Variants in WASHC4 observed in about 807,000 individuals in gnomAD.
The protein encoded by WASHC4 is WASH complex subunit 7.
In WASHC4, 86 loss-of-function variants were observed where a neutral mutation model predicts 166.6. That is an observed-to-expected ratio of 0.52 (90% CI 0.43 to 0.62). The LOEUF is 0.62. Ranked by LOEUF, WASHC4 falls within the 20% of genes least tolerant of loss-of-function variation. WASHC4 has a pLI of 0.00. For synonymous variants in WASHC4, 446 were observed against 451.6 expected, an observed-to-expected ratio of 0.99 and a Z score of 0.16; for missense variants, 1,262 against 1,382.4, an observed-to-expected ratio of 0.91 and a Z score of 1.38.
In WASHC4 at chr12:105,137,929, C is replaced by T; in HGVS notation, c.1370C>T (p.Thr457Ile). ...AGTATTAGTACCATTATTAAAACCA[C>T]AATGAATCTCTACATGTCCATGCAA... ...AYSISTIIKTTMNLYMSMQKP... is the reference protein window; with the variant it reads ...AYSISTIIKTIMNLYMSMQKP... The change falls in exon 15 of 33, where the codon ACA becomes ATA. Residue 457 changes from threonine (T) to isoleucine (I), a missense_variant. Transcript: ENST00000332180. 6.2e-7 allele frequency: 1 copy of T among 1,611,490 alleles called. No individual in the cohort carries two copies. The highest frequency in any genetic ancestry group is 8.5e-7 in the Non-Finnish European group (1 of 1,177,824).
chr12:105,138,030 T>C lies in WASHC4; in HGVS notation c.1452+19T>C. 6.2e-7 allele frequency: 1 copy of C among 1,606,960 alleles called. No individual in the cohort carries two copies. Among genetic ancestry groups the C allele is most frequent in the South Asian group, 1.1e-5 (1 of 89,888 alleles). ...TCTCAAGGTAGGTTTTAGATTATTT[T>C]ACTGCTCCATCATAATTGAGAAATG... On this transcript the variant is annotated intron_variant, in intron 15 of 32. Coordinates refer to ENST00000332180, the MANE Select transcript of WASHC4 (RefSeq NM_015275.3).
At chr12:105,113,079 T>C (rs1485729074) in intron 2 of WASHC4, among the ~76,000 whole-genome samples, 1 of 152,088 alleles carries the variant, frequency 6.6e-6, no homozygotes, top group African/African-American at 2.4e-5. Flanking sequence ...AAATTTGTAA[T>C]TGTCTCTTTT....
chr12:105,157,199 C>T (rs1292967427), intron 27 of WASHC4, 37 bp from the exon 28 acceptor site: 2 of 1,044,500 alleles, frequency 1.9e-6, no homozygotes, highest in Non-Finnish European at 3.0e-6. Flanking sequence ...ACATATTTTA[C>T]TTGACCTAAT....
rs80171463 is a variant in WASHC4 at position 105,140,702 on chromosome 12, C to T, written c.1561-197C>T. On this transcript the variant is annotated intron_variant, in intron 16 of 32. Transcript: ENST00000332180. ...TTAACATGGAAATTTTAAAGTATGC[C>T]TAATACATTTGCTGTTTCTGACAGT... 7.6e-3 allele frequency among the ~76,000 whole-genome samples: 1,149 copies of T among 152,052 alleles called. 8 individuals are homozygous for T. The highest frequency in any genetic ancestry group is 9.6e-3 in the Non-Finnish European group (652 of 67,982).
intron 24 of WASHC4, 137 bp downstream of exon 24, chr12:105,147,283 A>G (rs1883376327): frequency 2.2e-5 from 15 of 672,070 alleles, no homozygotes; most frequent in East Asian, 2.8e-5. Flanking sequence ...TTTTCTGGTT[A>G]GTAATTAAAA....
intron 10 of WASHC4, among the ~76,000 whole-genome samples, chr12:105,124,183 T>A (rs1196831): frequency 6.7e-6 from 1 of 150,062 alleles, no homozygotes; most frequent in South Asian, 2.1e-4. Flanking sequence ...GCAGTGGAGC[T>A]ATCTCGGCTC....
At chr12:105,148,447 C>T in intron 24 of WASHC4, 1 of 985,260 alleles carries the variant, frequency 1.0e-6, no homozygotes, top group Non-Finnish European at 1.2e-6. Context: ...ACAGTAATCA[C>T]AGGGATATAG....
Position 105,126,338 on chromosome 12 carries a change from G to A in WASHC4, c.1014G>A (p.Lys338=), listed in dbSNP as rs1175348827. 9.5e-6 allele frequency: 15 copies of A among 1,587,050 alleles called. No homozygotes were observed. The Admixed American group carries it at 2.5e-4, about 27-fold the overall frequency. ...GAACTATTGATAAAAAGTTTTATAA[G>A]TCTTTATTGGACATTTGTAAGAAGG... is the stretch of plus-strand genomic sequence containing the variant. The part of the protein sequence containing the change: ...IFRTIDKKFY[K]SLLDICKKVP... Residue 338 remains lysine, a synonymous_variant, in exon 12 of 33, where the codon AAG becomes AAA. Coordinates refer to ENST00000332180, the MANE Select transcript of WASHC4 (RefSeq NM_015275.3).
intron 26 of WASHC4, among the ~76,000 whole-genome samples, chr12:105,154,461 T>G (rs1036604042): frequency 6.6e-6 from 1 of 152,200 alleles, no homozygotes; most frequent in Non-Finnish European, 1.5e-5. Context: ...CCTGCTGAAA[T>G]AATAATAATT....
intron 22 of WASHC4, 77 bp from the exon 23 acceptor site, chr12:105,146,375 A>T: frequency 1.1e-6 from 1 of 872,084 alleles, no homozygotes; most frequent in Non-Finnish European, 1.9e-6. Context: ...TATAATCAAT[A>T]AGTCATTATG....
At position 105,127,260 on chromosome 12, in the gene WASHC4, T is replaced by G. The variant is rs1227453659; in HGVS notation, c.1170T>G (p.Phe390Leu). The G allele has an allele frequency of 6.2e-7, 1 of 1,611,874 alleles. No individual in the cohort carries two copies. Reference sequence around the variant, plus strand: ...CCATTAAAATACACAGGGATACTTTTCTACAACAGAAAGCTCAATCACTTA... The same window carrying G: ...CCATTAAAATACACAGGGATACTTTGCTACAACAGAAAGCTCAATCACTTA... ...LQAIKIHRDT[F>L]LQQKAQSLTK... Residue 390 changes from phenylalanine to leucine, a missense_variant, in exon 13 of 33, where the codon TTT becomes TTG. By Grantham distance (22) the Phe-to-Leu change is conservative. Transcript: ENST00000332180.
intron 22 of WASHC4, 146 bp downstream of exon 22, chr12:105,145,018 C>A: frequency 1.2e-6 from 1 of 817,034 alleles, no homozygotes; most frequent in Non-Finnish European, 1.9e-6. Context: ...TACTTGACAA[C>A]AGTAAAAAAT....
In WASHC4 at chr12:105,164,125, C is replaced by G. The variant is rs767308436; in HGVS notation, c.3172C>G (p.Leu1058Val). ...DGFAMGVAYI[L>V]KLLDQYREFD... is the part of the protein sequence containing the mutation. ...TATGCCTGCAGGTGTGGCTTACATT[C>G]TAAAGCTTTTGGATCAGTATCGGGA... The change falls in exon 31 of 33, where the codon CTA becomes GTA. Residue 1058 changes from leucine to valine, a missense_variant. Leu to Val is a conservative substitution (Grantham distance 32). Transcript: ENST00000332180. 6 of 1,614,008 alleles carry G rather than the reference C, an allele frequency of 3.7e-6. No homozygotes were observed. In the Admixed American group the frequency reaches 8.3e-5, roughly 22 times the overall value.
chr12:105,157,978 G>T (rs1384718547), intron 28 of WASHC4, among the ~76,000 whole-genome samples: 1 of 152,154 alleles, frequency 6.6e-6, no homozygotes, highest in East Asian at 1.9e-4. Context: ...CTTATAGCAG[G>T]TTATTGAATC....
chr12:105,149,841 G>T, intron 25 of WASHC4, 92 bp downstream of exon 25: 18 of 1,238,372 alleles, frequency 1.5e-5, no homozygotes, highest in Non-Finnish European at 1.9e-5. Flanking sequence ...ATCTCTATTG[G>T]GGTTTTAGTT....
intron 32 of WASHC4, 129 bp from the exon 33 acceptor site, chr12:105,166,734 GA>G: frequency 2.9e-6 from 2 of 697,798 alleles, no homozygotes; most frequent in South Asian, 3.1e-5. Flanking sequence ...TGATGTTAGA[GA>G]AACATTTGAT....
intron 24 of WASHC4, chr12:105,148,388 C>T (rs1236550649): frequency 1.0e-6 from 1 of 983,254 alleles, no homozygotes; most frequent in South Asian, 4.7e-5. Flanking sequence ...TTTTATGTGT[C>T]AGGGACTGTG....
At chr12:105,142,948 A>G (rs1566017287) in intron 19 of WASHC4, among the ~76,000 whole-genome samples, 179 bp from the exon 20 acceptor site, 1 of 151,986 alleles carries the variant, frequency 6.6e-6, no homozygotes, top group African/African-American at 2.4e-5. Flanking sequence ...TTTTTTGGGT[A>G]TATTTAGTTA....
chr12:105,144,186 C>A, intron 20 of WASHC4, 101 bp from the exon 21 acceptor site: 2 of 972,462 alleles, frequency 2.1e-6, no homozygotes, highest in Non-Finnish European at 3.1e-6. Flanking sequence ...CTGCTTCTGA[C>A]CAAAAAACTA....
Sources: allele counts gnomAD v4.1 joint callset (sites outside exome capture counted in the v4.1 genomes callset), GRCh38; gene constraint gnomAD v4.1.1; transcripts MANE v1.5; gene names NCBI Gene and HGNC (gene_info 2026-07-23, HGNC 2026-07-21).